The following NGRN variants were observed in gnomAD, a reference collection of about 807,000 sequenced individuals.
NGRN encodes the protein neugrin, neurite outgrowth associated.
In NGRN, 12 loss-of-function variants were observed where a neutral mutation model predicts 13.1. The observed-to-expected ratio is 0.92, with a 90% CI of 0.59 to 1.49. The LOEUF is 1.49. Ranked by LOEUF, NGRN falls within the 40% of genes most tolerant of loss-of-function variation. NGRN has a pLI of 0.00. For missense variants in NGRN, 397 were observed against 357.0 expected, an observed-to-expected ratio of 1.11 and a Z score of -0.90; for synonymous variants, 149 against 145.8, an observed-to-expected ratio of 1.02 and a Z score of -0.16.
In NGRN at chr15:90,265,860, C is replaced by T; in HGVS notation, c.148C>T (p.Leu50=). The T allele has an allele frequency of 1.9e-6, 3 of 1,601,636 alleles. No homozygotes were observed. The South Asian group carries it at 3.3e-5, about 18-fold the overall frequency. ...DSDWEPEERE[L]QEVESTLKRQ... ...CGACTGGGAGCCGGAGGAACGGGAG[C>T]TGCAGGAGGTGGAGAGGTACCGGCT... The change falls in exon 1 of 3, where the codon CTG becomes TTG. Residue 50 remains leucine, a synonymous_variant. Coordinates refer to ENST00000379095, the MANE Select transcript of NGRN (RefSeq NM_001033088.3).
At position 90,265,687 on chromosome 15, in the gene NGRN, A is replaced by C. The variant is rs764940839; in HGVS notation, c.-26A>C. ...TACTTCCGCTGCTGTTTCGTAGCCGACTGCTGAAGGCTGGTTTGCGTCGAC... is the reference window on the plus strand; with the variant it reads ...TACTTCCGCTGCTGTTTCGTAGCCGCCTGCTGAAGGCTGGTTTGCGTCGAC... On this transcript the variant is annotated 5_prime_UTR_variant, in exon 1 of 3. Transcript: ENST00000379095. 8 of 1,612,410 alleles carry C rather than the reference A, an allele frequency of 5.0e-6. No homozygotes were observed. The highest frequency in any genetic ancestry group is 1.9e-4 in the Middle Eastern group (1 of 5,256).
intron 2 of NGRN, among the ~76,000 whole-genome samples, chr15:90,269,295 C>T (rs1360732878): frequency 2.0e-5 from 3 of 149,726 alleles, no homozygotes; most frequent in Non-Finnish European, 3.0e-5. Context: ...GGATTACAGG[C>T]GGGCGTGAGC....
rs769759356 is a variant in NGRN at position 90,265,828 on chromosome 15, C to T, written c.116C>T (p.Pro39Leu). Residue 39 changes from proline to leucine, a missense_variant, in exon 1 of 3, where the codon CCC (proline) becomes CTC (leucine). Transcript: ENST00000379095. ...GPGPIGREPD[P>L]DSDWEPEERE... Reference sequence around the variant, plus strand: ...GGCCCTATTGGCCGGGAGCCGGACCCCGATTCCGACTGGGAGCCGGAGGAA... The same window carrying T: ...GGCCCTATTGGCCGGGAGCCGGACCTCGATTCCGACTGGGAGCCGGAGGAA... The T allele has an allele frequency of 3.7e-6, 6 of 1,609,248 alleles. No individual in the cohort carries two copies. The highest frequency in any genetic ancestry group is 5.1e-6 in the Non-Finnish European group (6 of 1,177,902).
chr15:90,269,903 G>A (rs1263741506), intron 2 of NGRN, among the ~76,000 whole-genome samples: 1 of 152,108 alleles, frequency 6.6e-6, no homozygotes, highest in African/African-American at 2.4e-5. Flanking sequence ...TTAGTACCAA[G>A]TTGTACTATT....
At position 90,271,038 on chromosome 15, in the gene NGRN, C is replaced by T. The variant is rs111289443; in HGVS notation, c.276-150C>T. On this transcript the variant is annotated intron_variant, in intron 2 of 2. Coordinates refer to ENST00000379095, the MANE Select transcript of NGRN (RefSeq NM_001033088.3). ...CTCGAACTCCTGGGCTCAAGTGATC[C>T]GCCTATCTCGGCCTCTCAGAGTTCT... 146 of 894,296 alleles carry T rather than the reference C, an allele frequency of 1.6e-4. 4 individuals carry two copies. In the African/African-American group the frequency reaches 1.9e-3, roughly 12 times the overall value. The allele number at this position is 894,296 out of a possible 1,614,324, so 55.4% of individuals were successfully genotyped here. A position where few individuals can be genotyped will look rare whatever the true frequency, so the allele number is the denominator to read the frequency against.
chr15:90,271,776 G>A lies in NGRN; in HGVS notation c.864G>A (p.Leu288=), dbSNP rs762283454. The A allele has an allele frequency of 6.2e-7, 1 of 1,613,796 alleles. No individual in the cohort carries two copies. The highest frequency in any genetic ancestry group is 8.5e-7 in the Non-Finnish European group (1 of 1,179,730). Reference sequence around the variant, plus strand: ...TCTTTGACAGCAACGGGAACTTCCTGTACAGAATTTGAGTCGGGGCTTGGC... The same window carrying A: ...TCTTTGACAGCAACGGGAACTTCCTATACAGAATTTGAGTCGGGGCTTGGC... ...REFFDSNGNF[L]YRI The change falls in exon 3 of 3, where the codon CTG becomes CTA. Residue 288 remains leucine (L), a synonymous_variant. Coordinates refer to ENST00000379095, the MANE Select transcript of NGRN (RefSeq NM_001033088.3).
chr15:90,266,237 C>T (rs560607174), intron 1 of NGRN, 51 bp from the exon 2 acceptor site: 1 of 1,577,238 alleles, frequency 6.3e-7, no homozygotes, highest in African/African-American at 1.3e-5. Flanking sequence ...GCTCTTCAAA[C>T]ATCCATTCTG....
In NGRN at chr15:90,272,094, G is replaced by C; in HGVS notation, c.*306G>C. On this transcript the variant is annotated 3_prime_UTR_variant, in exon 3 of 3. Transcript: ENST00000379095. ...GATACTTGCAATTTATGTTTGAGAA[G>C]AAGTGAAAAGTTTGCCTTCTGACCT... The C allele has an allele frequency of 3.0e-6, 1 of 331,516 alleles. No homozygotes were observed. Among genetic ancestry groups the C allele is most frequent in the Non-Finnish European group, 5.6e-6 (1 of 179,700 alleles). The allele number at this position is 331,516 out of a possible 1,614,324, so 20.5% of individuals were successfully genotyped here. A position where few individuals can be genotyped will look rare whatever the true frequency, so the allele number is the denominator to read the frequency against.
intron 2 of NGRN, among the ~76,000 whole-genome samples, chr15:90,270,314 C>G (rs939150841): frequency 6.6e-5 from 10 of 152,234 alleles, no homozygotes; most frequent in Admixed American, 6.5e-4. Flanking sequence ...CCCTCACTGT[C>G]AGTTGAGTTA....
rs1213544532 is a variant in NGRN at position 90,265,765 on chromosome 15, C to G, written c.53C>G (p.Thr18Ser). Residue 18 changes from threonine (T) to serine (S), a missense_variant, in exon 1 of 3, where the codon ACT becomes AGT. Coordinates refer to ENST00000379095, the MANE Select transcript of NGRN (RefSeq NM_001033088.3). ...GGCGGGCGCGTTTGCGCCGCCGTCA[C>G]TCGCTGTGGGTTCGCGACCCGGGGG... is the stretch of plus-strand genomic sequence containing the variant. ...LLGGRVCAAVTRCGFATRGVA... is the reference protein window; with the variant it reads ...LLGGRVCAAVSRCGFATRGVA... 1 of 1,613,298 alleles carries G rather than the reference C, an allele frequency of 6.2e-7. No homozygotes were observed. Among genetic ancestry groups the G allele is most frequent in the Non-Finnish European group, 8.5e-7 (1 of 1,179,856 alleles).
At chr15:90,270,369 C>A (rs1963486170) in intron 2 of NGRN, among the ~76,000 whole-genome samples, 1 of 152,222 alleles carries the variant, frequency 6.6e-6, no homozygotes, top group Admixed American at 6.5e-5. Context: ...ACAAGCTCTT[C>A]ACTTTATCAT....
chr15:90,265,928 C>G, intron 1 of NGRN, 52 bp downstream of exon 1: 1 of 1,434,194 alleles, frequency 7.0e-7, no homozygotes, highest in Non-Finnish European at 9.1e-7. Flanking sequence ...CGTGCCCCGG[C>G]GCTCCAGGCC....
intron 1 of NGRN, 123 bp from the exon 2 acceptor site, chr15:90,266,165 A>T (rs368527436): frequency 7.5e-6 from 11 of 1,476,208 alleles, no homozygotes; most frequent in Non-Finnish European, 9.9e-6. Context: ...AGCCGGCAAC[A>T]TGGCCCGGTT....
intron 2 of NGRN, among the ~76,000 whole-genome samples, chr15:90,267,490 TAAAC>T (rs1171883642): frequency 1.3e-5 from 2 of 152,170 alleles, no homozygotes; most frequent in East Asian, 3.8e-4. Context: ...AATTTTTATT[TAAAC>T]AATTTTTTCT....
intron 2 of NGRN, 103 bp downstream of exon 2, chr15:90,266,501 G>C: frequency 2.3e-6 from 2 of 858,080 alleles, no homozygotes. Context: ...TTATATTTTC[G>C]TTTACTTTTT....
intron 1 of NGRN, 125 bp from the exon 2 acceptor site, chr15:90,266,163 A>C (rs1194001306): frequency 6.8e-7 from 1 of 1,475,880 alleles, no homozygotes; most frequent in Non-Finnish European, 9.0e-7. Context: ...TAAGCCGGCA[A>C]CATGGCCCGG....
chr15:90,265,982 G>A (rs924114744), intron 1 of NGRN, 106 bp downstream of exon 1: 13 of 1,424,054 alleles, frequency 9.1e-6, no homozygotes, highest in African/African-American at 8.9e-5. Flanking sequence ...TTGCGCAGCG[G>A]CCCTTGTTTC....
intron 2 of NGRN, 39 bp downstream of exon 2, chr15:90,266,437 A>G: frequency 1.3e-6 from 2 of 1,523,782 alleles, no homozygotes; most frequent in Non-Finnish European, 1.8e-6. Flanking sequence ...CGCTGTGATG[A>G]GAAGTGAAGG....
intron 2 of NGRN, among the ~76,000 whole-genome samples, chr15:90,268,297 C>G (rs1963457390): frequency 6.6e-6 from 1 of 152,046 alleles, no homozygotes; most frequent in African/African-American, 2.4e-5. Context: ...GCCACCATGC[C>G]GGCCTCTATC....
Sources: gnomAD v4.1 joint callset for allele counts (sites outside exome capture counted in the v4.1 genomes callset) on GRCh38, gnomAD v4.1.1 for gene constraint, MANE v1.5 for transcripts, NCBI Gene and HGNC (gene_info 2026-07-23, HGNC 2026-07-21) for gene names.